The following PCCA variants were observed in gnomAD, a reference collection of about 807,000 sequenced individuals.
PCCA encodes the protein propionyl-CoA carboxylase alpha chain, mitochondrial.
A neutral mutation model predicts 101.3 loss-of-function variants in PCCA; 74 were observed. The ratio of observed to expected loss-of-function variants is 0.73; its 90% CI spans 0.61 to 0.89. The LOEUF (loss-of-function observed/expected upper bound fraction) is 0.89, where lower values mean the gene tolerates loss of function less well. PCCA is among the 40% of genes least tolerant of loss of function. PCCA has a pLI of 0.00. For synonymous variants in PCCA, 294 were observed against 313.6 expected (o/e 0.94, Z 0.66); for missense variants, 891 against 907.0 (o/e 0.98, Z 0.23).
intron 20 of PCCA, among the ~76,000 whole-genome samples, chr13:100,448,274 C>A (rs2080980555): frequency 6.6e-6 from 1 of 152,190 alleles, no homozygotes; most frequent in African/African-American, 2.4e-5. Context: ...CACAACCTCA[C>A]CTCCGCCTCC....
At chr13:100,392,997 G>A (rs1190769442) in intron 19 of PCCA, among the ~76,000 whole-genome samples, 1 of 152,104 alleles carries the variant, frequency 6.6e-6, no homozygotes, top group Admixed American at 6.5e-5. Context: ...GCCTCCTGAC[G>A]GCTCCTGCTT....
In PCCA at chr13:100,268,713, G is replaced by A. The variant is rs1324190261; in HGVS notation, c.844G>A (p.Ala282Thr). 6.2e-7 allele frequency: 1 copy of A among 1,613,926 alleles called. No homozygotes were observed. The highest frequency in any genetic ancestry group is 1.7e-5 in the Admixed American group (1 of 60,028). The change falls in exon 11 of 24, where the codon GCT becomes ACT. Residue 282 changes from alanine (A) to threonine (T), a missense_variant. Ala to Thr is a moderately conservative substitution (Grantham distance 58). Transcript: ENST00000376285. Reference protein sequence around the residue: ...IQVLGDKHGNALWLNERECSI... With the variant: ...IQVLGDKHGNTLWLNERECSI... ...GGTTCTAGGTGATAAACATGGGAAT[G>A]CTTTATGGCTTAATGAAAGAGAGTG...
chr13:100,363,678 C>A (rs1452392744), intron 18 of PCCA, among the ~76,000 whole-genome samples: 6 of 152,146 alleles, frequency 3.9e-5, no homozygotes, highest in Non-Finnish European at 7.3e-5. Context: ...ATTCCTTGAC[C>A]ATTAGCATTG....
intron 6 of PCCA, among the ~76,000 whole-genome samples, chr13:100,208,432 G>A (rs73573213): frequency 0.024 from 3,664 of 152,242 alleles, 154 homozygotes; most frequent in African/African-American, 0.084. Context: ...CAAGGTCGTA[G>A]GACAATCAGC....
chr13:100,201,780 C>T (rs535561119), intron 6 of PCCA, among the ~76,000 whole-genome samples: 2 of 138,538 alleles, frequency 1.4e-5, no homozygotes, highest in South Asian at 4.8e-4. Context: ...TCGCTTGAAC[C>T]CGGGAGCTGG....
intron 11 of PCCA, among the ~76,000 whole-genome samples, chr13:100,271,695 C>T (rs2063329908): frequency 6.6e-6 from 1 of 152,092 alleles, no homozygotes; most frequent in African/African-American, 2.4e-5. Context: ...AATTTGAATA[C>T]CAAGTGGATA....
chr13:100,340,206 A>G lies in PCCA; in HGVS notation c.1590A>G (p.Ser530=), dbSNP rs2152751916. Residue 530 remains serine, a synonymous_variant, in exon 18 of 24, where the codon TCA becomes TCG. Transcript: ENST00000376285. ...AGAACCAGTTATTGGCAATAGCATC[A>G]TCATTGTTTGTGGCATTCCAGTTAA... is the stretch of plus-strand genomic sequence containing the variant. ...SEKNQLLAIA[S]SLFVAFQLRA... is the part of the protein sequence containing the mutation. The G allele has an allele frequency of 1.2e-6, 2 of 1,612,258 alleles. No homozygotes were observed. The highest frequency in any genetic ancestry group is 8.5e-7 in the Non-Finnish European group (1 of 1,178,264).
At chr13:100,213,377 T>C (rs1396663364) in intron 7 of PCCA, among the ~76,000 whole-genome samples, 1 of 152,186 alleles carries the variant, frequency 6.6e-6, no homozygotes, top group Non-Finnish European at 1.5e-5. Context: ...AGTTCCCTTT[T>C]CTCTATATCC....
At chr13:100,411,095 T>A (rs539732013) in intron 19 of PCCA, among the ~76,000 whole-genome samples, 1 of 152,336 alleles carries the variant, frequency 6.6e-6, no homozygotes, top group African/African-American at 2.4e-5. Context: ...AAGTCATTTT[T>A]TTTTTAATCA....
chr13:100,489,124 T>C (rs1164351876), intron 21 of PCCA, among the ~76,000 whole-genome samples: 2 of 151,328 alleles, frequency 1.3e-5, no homozygotes, highest in East Asian at 4.0e-4. Context: ...GCTAACATGG[T>C]GAAACCCCGT....
chr13:100,292,416 T>G (rs561960302), intron 12 of PCCA, among the ~76,000 whole-genome samples: 25 of 152,224 alleles, frequency 1.6e-4, no homozygotes, highest in Non-Finnish European at 1.5e-4. Context: ...TGACATTAAT[T>G]ATAGCATTTG....
chr13:100,281,881 A>G (rs1391642217), intron 12 of PCCA, among the ~76,000 whole-genome samples: 1 of 152,186 alleles, frequency 6.6e-6, no homozygotes, highest in Non-Finnish European at 1.5e-5. Flanking sequence ...CTTTATATCC[A>G]CTTTGCACGT....
intron 16 of PCCA, among the ~76,000 whole-genome samples, chr13:100,311,150 T>G (rs1020833019): frequency 6.6e-6 from 1 of 151,710 alleles, no homozygotes; most frequent in African/African-American, 2.4e-5. Flanking sequence ...AGAAAATTGC[T>G]TGAACCCGGG....
At chr13:100,329,413 G>A (rs2069200736) in intron 16 of PCCA, among the ~76,000 whole-genome samples, 1 of 152,146 alleles carries the variant, frequency 6.6e-6, no homozygotes, top group African/African-American at 2.4e-5. Context: ...GAACCTTGAG[G>A]ATGAGGAGCT....
At chr13:100,180,568 G>C (rs116173347) in intron 6 of PCCA, among the ~76,000 whole-genome samples, 1 of 152,222 alleles carries the variant, frequency 6.6e-6, no homozygotes, top group South Asian at 2.1e-4. Flanking sequence ...TTAGAGTTAG[G>C]GGGTAGGTGT....
At chr13:100,303,907 AC>A (rs1174034998) in intron 14 of PCCA, among the ~76,000 whole-genome samples, 1 of 152,218 alleles carries the variant, frequency 6.6e-6, no homozygotes, top group Admixed American at 6.5e-5. Context: ...GCATTATGTG[AC>A]GTTAAATAGC....
At chr13:100,262,899 T>A (rs1462363649) in intron 10 of PCCA, 68 bp downstream of exon 10, 1 of 748,488 alleles carries the variant, frequency 1.3e-6, no homozygotes, top group African/African-American at 1.8e-5. Context: ...ATTGGAATTA[T>A]CTTTTCTTCC....
intron 6 of PCCA, among the ~76,000 whole-genome samples, chr13:100,200,927 G>A (rs1015839310): frequency 6.6e-6 from 1 of 151,942 alleles, no homozygotes; most frequent in African/African-American, 2.4e-5. Context: ...CCTCTTTGTT[G>A]CCTCTGTGTA....
chr13:100,345,997 T>C (rs1259461306), intron 18 of PCCA, among the ~76,000 whole-genome samples: 2 of 152,178 alleles, frequency 1.3e-5, no homozygotes, highest in Non-Finnish European at 2.9e-5. Flanking sequence ...AAAAAATTTT[T>C]TTTTCAAATG....
Sources: gnomAD v4.1 joint callset for allele counts (sites outside exome capture counted in the v4.1 genomes callset) on GRCh38, gnomAD v4.1.1 for gene constraint, MANE v1.5 for transcripts, NCBI Gene and HGNC (gene_info 2026-07-23, HGNC 2026-07-21) for gene names.